Variants in MTMR7 observed in about 807,000 individuals in gnomAD.
MTMR7 encodes phosphatidylinositol-3-phosphate phosphatase MTMR7.
Under a neutral mutation model 81.2 loss-of-function variants are expected in MTMR7, and 76 were observed. The observed-to-expected ratio is 0.94, with a 90% CI of 0.78 to 1.13. The LOEUF (loss-of-function observed/expected upper bound fraction) is 1.13, where lower values mean the gene tolerates loss of function less well. Among genes scored for constraint, MTMR7 ranks in the 50% most tolerant of loss-of-function variants. MTMR7 has a pLI of 0.00. For missense variants in MTMR7, 1,044 were observed against 820.0 expected (o/e 1.27, Z -3.34); for synonymous variants, 372 against 289.8 (o/e 1.28, Z -2.88).
At chr8:17,408,116 C>A (rs189093207) in intron 1 of MTMR7, among the ~76,000 whole-genome samples, 647 of 60,042 alleles carry the variant, frequency 0.011, 71 homozygotes, top group African/African-American at 0.02. Context: ...AGAGGCCGGG[C>A]GCGGTGGCTC....
intron 1 of MTMR7, among the ~76,000 whole-genome samples, chr8:17,383,636 T>C (rs1213760916): frequency 1.3e-5 from 2 of 152,210 alleles, no homozygotes; most frequent in African/African-American, 2.4e-5. Flanking sequence ...GAGATTTCAG[T>C]TAGAGAGGAA....
chr8:17,359,058 T>G (rs1819983481), intron 4 of MTMR7, among the ~76,000 whole-genome samples: 1 of 152,046 alleles, frequency 6.6e-6, no homozygotes, highest in South Asian at 2.1e-4. Context: ...CATGTCCAGC[T>G]AATTTTTTAA....
At chr8:17,403,705 T>G (rs529803774) in intron 1 of MTMR7, among the ~76,000 whole-genome samples, 59 of 152,356 alleles carry the variant, frequency 3.9e-4, no homozygotes, top group Non-Finnish European at 6.9e-4. Flanking sequence ...TCCATGAACA[T>G]GGAATATCTT....
At chr8:17,386,413 G>A (rs1237431323) in intron 1 of MTMR7, among the ~76,000 whole-genome samples, 1 of 152,150 alleles carries the variant, frequency 6.6e-6, no homozygotes, top group Non-Finnish European at 1.5e-5. Context: ...TGGTAATACT[G>A]CCCACAGATG....
intron 4 of MTMR7, among the ~76,000 whole-genome samples, chr8:17,350,382 G>A (rs1338810156): frequency 6.6e-6 from 1 of 152,252 alleles, no homozygotes; most frequent in Non-Finnish European, 1.5e-5. Context: ...TGAAGGAGGA[G>A]CAGAGGCACG....
At chr8:17,347,027 C>G (rs1198746002) in intron 5 of MTMR7, among the ~76,000 whole-genome samples, 1 of 151,490 alleles carries the variant, frequency 6.6e-6, no homozygotes, top group Non-Finnish European at 1.5e-5. Context: ...TTCCTCGTCT[C>G]TACAAAAAAT....
intron 13 of MTMR7, among the ~76,000 whole-genome samples, chr8:17,300,905 A>T (rs1237905461): frequency 6.6e-6 from 1 of 152,202 alleles, no homozygotes; most frequent in Non-Finnish European, 1.5e-5. Flanking sequence ...TCCTTCACTT[A>T]GCTTATGTTC....
intron 4 of MTMR7, among the ~76,000 whole-genome samples, chr8:17,359,903 A>C (rs1820009262): frequency 1.3e-5 from 2 of 152,210 alleles, no homozygotes; most frequent in South Asian, 2.1e-4. Flanking sequence ...GACAACATGT[A>C]CAAAACTTTG....
chr8:17,406,011 T>C (rs939582893), intron 1 of MTMR7, among the ~76,000 whole-genome samples: 18 of 152,310 alleles, frequency 1.2e-4, no homozygotes, highest in African/African-American at 4.3e-4. Context: ...TATCTGAAAT[T>C]ATGCAAAATT....
chr8:17,393,849 T>A (rs1821173588), intron 1 of MTMR7, among the ~76,000 whole-genome samples: 1 of 151,914 alleles, frequency 6.6e-6, no homozygotes, highest in African/African-American at 2.4e-5. Flanking sequence ...AACCTGGGAC[T>A]TAACACAAAC....
intron 7 of MTMR7, among the ~76,000 whole-genome samples, chr8:17,326,769 G>A (rs1586192945): frequency 6.6e-6 from 1 of 152,190 alleles, no homozygotes; most frequent in African/African-American, 2.4e-5. Context: ...TGAGAACGCA[G>A]CCCAGCTGCC....
At chr8:17,389,363 G>T (rs1821038083) in intron 1 of MTMR7, among the ~76,000 whole-genome samples, 1 of 152,092 alleles carries the variant, frequency 6.6e-6, no homozygotes, top group African/African-American at 2.4e-5. Flanking sequence ...AATATTCCCT[G>T]CAGCACAATG....
chr8:17,405,143 C>T (rs566232130), intron 1 of MTMR7, among the ~76,000 whole-genome samples: 15 of 152,218 alleles, frequency 9.9e-5, no homozygotes, highest in African/African-American at 1.7e-4. Context: ...TGAGCCACTG[C>T]GCCCAGCCTA....
chr8:17,351,118 G>A (rs1819716578), intron 4 of MTMR7, among the ~76,000 whole-genome samples: 1 of 152,198 alleles, frequency 6.6e-6, no homozygotes, highest in Non-Finnish European at 1.5e-5. Context: ...CATTGCACCA[G>A]ACCAACAACA....
chr8:17,326,767 C>T (rs1350507040), intron 7 of MTMR7, among the ~76,000 whole-genome samples: 2 of 152,202 alleles, frequency 1.3e-5, no homozygotes, highest in Non-Finnish European at 2.9e-5. Context: ...GATGAGAACG[C>T]AGCCCAGCTG....
intron 5 of MTMR7, among the ~76,000 whole-genome samples, chr8:17,347,896 G>A (rs141852708): frequency 8.5e-5 from 13 of 152,260 alleles, no homozygotes; most frequent in African/African-American, 2.4e-4. Context: ...TTAGCCCTCC[G>A]TCACCTGCCA....
chr8:17,321,342 G>A (rs192247030), intron 7 of MTMR7, among the ~76,000 whole-genome samples: 21 of 152,320 alleles, frequency 1.4e-4, no homozygotes, highest in Admixed American at 9.1e-4. Flanking sequence ...TCAGCAATGG[G>A]ACAGGCTGCT....
chr8:17,411,288 C>T (rs1183588297), intron 1 of MTMR7, among the ~76,000 whole-genome samples: 2 of 152,200 alleles, frequency 1.3e-5, no homozygotes, highest in African/African-American at 4.8e-5. Flanking sequence ...CTCCTTAAGT[C>T]CTTCCATGTT....
At chr8:17,362,710 C>A (rs1007057253) in intron 3 of MTMR7, among the ~76,000 whole-genome samples, 1 of 152,180 alleles carries the variant, frequency 6.6e-6, no homozygotes, top group Non-Finnish European at 1.5e-5. Context: ...ACTTCTTTCT[C>A]ATAGCTTTCC....
Sources: allele counts gnomAD v4.1 joint callset (sites outside exome capture counted in the v4.1 genomes callset), GRCh38; gene constraint gnomAD v4.1.1; transcripts MANE v1.5; gene names NCBI Gene and HGNC (gene_info 2026-07-23, HGNC 2026-07-21).